Variants in EEPD1 observed in about 807,000 individuals in gnomAD.
The protein encoded by EEPD1 is endonuclease/exonuclease/phosphatase family domain-containing protein 1.
EEPD1 carries 17 observed loss-of-function variants against 46.3 expected under a neutral mutation model. The ratio of observed to expected loss-of-function variants is 0.37; its 90% CI spans 0.25 to 0.55. The LOEUF is 0.55. Ranked by LOEUF, EEPD1 falls within the 20% of genes least tolerant of loss-of-function variation. The pLI is 0.83. For missense variants in EEPD1, 673 were observed against 745.6 expected, an observed-to-expected ratio of 0.90 and a Z score of 1.13; for synonymous variants, 313 against 315.6, an observed-to-expected ratio of 0.99 and a Z score of 0.09.
chr7:36,184,013 A>AT (rs1404383676), intron 2 of EEPD1, among the ~76,000 whole-genome samples: 3 of 151,948 alleles, frequency 2.0e-5, no homozygotes, highest in Admixed American at 6.6e-5. Context: ...TCTGGACTTG[A>AT]TTTTTTTAGC....
chr7:36,246,789 G>C (rs763287034), intron 3 of EEPD1, among the ~76,000 whole-genome samples: 45 of 152,092 alleles, frequency 3.0e-4, no homozygotes, highest in Non-Finnish European at 5.1e-4. Context: ...CTTTACATGT[G>C]TGACAGAGTA....
chr7:36,154,453 C>T lies in EEPD1; in HGVS notation c.129C>T (p.Asn43=). ...ILVNQERLNI[N]TATEEELMTL... is the part of the protein sequence containing the mutation. ...TGAATCAGGAGCGGCTCAACATCAACACTGCCACGGAGGAGGAGCTGATGA... is the reference window on the plus strand; with the variant it reads ...TGAATCAGGAGCGGCTCAACATCAATACTGCCACGGAGGAGGAGCTGATGA... The change falls in exon 2 of 8, where the codon AAC becomes AAT. Residue 43 remains asparagine, a synonymous_variant. Transcript: ENST00000242108. The surrounding 1 kb of genome is among the most constrained non-coding windows in gnomAD (Gnocchi z 4.2). 3.1e-6 allele frequency: 5 copies of T among 1,614,244 alleles called. No individual in the cohort carries two copies. The highest frequency in any genetic ancestry group is 3.4e-6 in the Non-Finnish European group (4 of 1,180,044).
In EEPD1 at chr7:36,300,221, G is replaced by A. The variant is rs1161705869; in HGVS notation, c.*1015G>A. On this transcript the variant is annotated 3_prime_UTR_variant, in exon 8 of 8. Coordinates refer to ENST00000242108, the MANE Select transcript of EEPD1 (RefSeq NM_030636.3). ...TGTCCCTCCTAGTGGCTGGAGGTAG[G>A]GACAGTTGGTTGTGGGGCTGGAGAG... The A allele has an allele frequency of 2.0e-5, 3 of 152,236 alleles. No individual in the cohort carries two copies. Among genetic ancestry groups the A allele is most frequent in the Non-Finnish European group, 4.4e-5 (3 of 68,074 alleles). The allele number at this position is 152,236 out of a possible 1,614,324, so 9.4% of individuals were successfully genotyped here. A position where few individuals can be genotyped will look rare whatever the true frequency, so the allele number is the denominator to read the frequency against.
intron 2 of EEPD1, among the ~76,000 whole-genome samples, chr7:36,174,555 G>A (rs1225941784): frequency 6.6e-6 from 1 of 152,208 alleles, no homozygotes; most frequent in Non-Finnish European, 1.5e-5. Flanking sequence ...TCTCCGCCAG[G>A]CAGCTGCTGG....
chr7:36,196,490 T>G (rs888758560), intron 2 of EEPD1, among the ~76,000 whole-genome samples: 2 of 152,194 alleles, frequency 1.3e-5, no homozygotes, highest in East Asian at 1.9e-4. Context: ...TGCTGCCATC[T>G]TGGCTCGCTG....
chr7:36,287,645 A>G lies in EEPD1; in HGVS notation c.1183A>G (p.Ser395Gly). Reference protein sequence around the residue: ...SPYLGRFKVGSHDLTLVNLHL... With the variant: ...SPYLGRFKVGGHDLTLVNLHL... ...TTTGTTTCCTGCTGCCTAGGTGGGA[A>G]GTCACGACCTGACCCTTGTTAACCT... Residue 395 changes from serine to glycine, a missense_variant, in exon 6 of 8, where the codon AGT becomes GGT. Coordinates refer to ENST00000242108, the MANE Select transcript of EEPD1 (RefSeq NM_030636.3). 1.9e-6 allele frequency: 3 copies of G among 1,613,630 alleles called. No homozygotes were observed. The highest frequency in any genetic ancestry group is 2.7e-5 in the African/African-American group (2 of 75,018).
At chr7:36,196,568 C>G (rs559327080) in intron 2 of EEPD1, among the ~76,000 whole-genome samples, 1 of 152,358 alleles carries the variant, frequency 6.6e-6, no homozygotes, top group Non-Finnish European at 1.5e-5. Context: ...CGCGCCGCCA[C>G]GCCTGACTGG....
Position 36,154,665 on chromosome 7 carries a change from T to C in EEPD1, c.341T>C (p.Leu114Pro). The part of the protein sequence containing the change: ...GSSAQHSPSS[L>P]RRDLLAEQQP... ...TCAGCGCAGCACTCTCCCAGTTCCC[T>C]GCGGCGGGACCTGCTAGCGGAGCAG... The change falls in exon 2 of 8, where the codon CTG becomes CCG. Residue 114 changes from leucine to proline, a missense_variant. By Grantham distance (98) the Leu-to-Pro change is moderately conservative. Coordinates refer to ENST00000242108, the MANE Select transcript of EEPD1 (RefSeq NM_030636.3). The surrounding 1 kb of genome is among the most constrained non-coding windows in gnomAD (Gnocchi z 4.2). 1 of 1,613,806 alleles carries C rather than the reference T, an allele frequency of 6.2e-7. No individual in the cohort carries two copies. Among genetic ancestry groups the C allele is most frequent in the Non-Finnish European group, 8.5e-7 (1 of 1,179,978 alleles).
intron 2 of EEPD1, among the ~76,000 whole-genome samples, chr7:36,205,223 G>A (rs894000286): frequency 4.6e-5 from 7 of 152,196 alleles, no homozygotes; most frequent in African/African-American, 1.4e-4. Context: ...AACAAAAGCC[G>A]GAAGGAGGTT....
chr7:36,219,804 AGAGTGTGT>A (rs1403018644), intron 2 of EEPD1, among the ~76,000 whole-genome samples: 139 of 87,664 alleles, frequency 1.6e-3, no homozygotes, highest in Admixed American at 4.3e-3. Context: ...AGAGAGAGAG[AGAGTGTGT>A]GTGTGTGTGT....
At chr7:36,183,554 C>G (rs1196069101) in intron 2 of EEPD1, among the ~76,000 whole-genome samples, 1 of 152,168 alleles carries the variant, frequency 6.6e-6, no homozygotes, top group Non-Finnish European at 1.5e-5. Context: ...TTCTGAATAA[C>G]TATTATGTTT....
chr7:36,296,811 A>G (rs780732029), intron 6 of EEPD1, among the ~76,000 whole-genome samples, 182 bp from the exon 7 acceptor site: 4 of 148,074 alleles, frequency 2.7e-5, no homozygotes, highest in Non-Finnish European at 5.9e-5. Flanking sequence ...TACTCTTAAT[A>G]TTGGTGGCAG....
chr7:36,177,240 T>G (rs1228187619), intron 2 of EEPD1, among the ~76,000 whole-genome samples: 3 of 288 alleles, frequency 0.01, no homozygotes, highest in Non-Finnish European at 0.034. Flanking sequence ...TACTTGAGGT[T>G]TTTTTTTTTT....
At chr7:36,284,961 T>G in intron 5 of EEPD1, 141 bp downstream of exon 5, 2 of 1,228,444 alleles carry the variant, frequency 1.6e-6, no homozygotes, top group Non-Finnish European at 1.1e-6. Context: ...GAGATTTTTG[T>G]CTCTCCTGGG....
chr7:36,243,039 A>G (rs1043734989), intron 3 of EEPD1, among the ~76,000 whole-genome samples: 27 of 152,240 alleles, frequency 1.8e-4, no homozygotes, highest in African/African-American at 6.5e-4. Flanking sequence ...CCAACAAGAA[A>G]AGTTATTTGT....
intron 2 of EEPD1, among the ~76,000 whole-genome samples, chr7:36,182,897 A>G (rs1399149356): frequency 6.6e-6 from 1 of 152,210 alleles, no homozygotes; most frequent in Non-Finnish European, 1.5e-5. Context: ...CAGGCTCTTT[A>G]GGGTATCTGC....
chr7:36,287,483 A>G, intron 5 of EEPD1, 156 bp from the exon 6 acceptor site: 1 of 1,179,998 alleles, frequency 8.5e-7, no homozygotes, highest in Non-Finnish European at 1.2e-6. Flanking sequence ...ATCGAAGATG[A>G]AAGACCTTAC....
At chr7:36,276,622 A>C (rs940611220) in intron 3 of EEPD1, among the ~76,000 whole-genome samples, 1 of 152,218 alleles carries the variant, frequency 6.6e-6, no homozygotes, top group Non-Finnish European at 1.5e-5. Flanking sequence ...GGAATAATAA[A>C]AGCTGTCTTC....
intron 3 of EEPD1, among the ~76,000 whole-genome samples, chr7:36,269,709 A>G (rs1369813509): frequency 6.6e-6 from 1 of 152,244 alleles, no homozygotes; most frequent in African/African-American, 2.4e-5. Context: ...CAGCCTGGGC[A>G]ACATAGAGAG....
Sources: gnomAD v4.1 joint callset for allele counts (sites outside exome capture counted in the v4.1 genomes callset) on GRCh38, gnomAD v4.1.1 for gene constraint, Gnocchi (gnomAD v3.1) non-coding constraint, MANE v1.5 for transcripts, NCBI Gene and HGNC (gene_info 2026-07-23, HGNC 2026-07-21) for gene names.